The following SLC37A1 variants were observed in gnomAD, a reference collection of about 807,000 sequenced individuals.
SLC37A1 encodes the protein solute carrier family 37 member 1, also known as glucose-6-phosphate exchanger SLC37A1.
SLC37A1 carries 49 observed loss-of-function variants against 75.3 expected under a neutral mutation model. The ratio of observed to expected loss-of-function variants is 0.65; its 90% CI spans 0.52 to 0.83. The LOEUF (loss-of-function observed/expected upper bound fraction) is 0.83. SLC37A1 is among the 40% of genes least tolerant of loss of function. SLC37A1 has a pLI of 0.00. For missense variants in SLC37A1, 566 were observed against 695.0 expected, an observed-to-expected ratio of 0.81 and a Z score of 2.09; for synonymous variants, 268 against 292.1, an observed-to-expected ratio of 0.92 and a Z score of 0.84.
intron 18 of SLC37A1, among the ~76,000 whole-genome samples, chr21:42,577,125 G>C (rs978267292): frequency 4.6e-5 from 7 of 152,156 alleles, no homozygotes; most frequent in African/African-American, 1.7e-4. Flanking sequence ...AACCAAAGAT[G>C]CTCCCAGCAA....
rs1051692120 is a variant in SLC37A1, at chr21:42,525,874, G to A, written c.138+17G>A. Reference sequence around the variant, plus strand: ...ATAGTTAAGGTAAGAATCATGGAAAGCACTGCCTGTCGTCTCTGTGAGGAG... The same window carrying A: ...ATAGTTAAGGTAAGAATCATGGAAAACACTGCCTGTCGTCTCTGTGAGGAG... On this transcript the variant is annotated intron_variant, in intron 3 of 19. Coordinates refer to ENST00000352133, the MANE Select transcript of SLC37A1 (RefSeq NM_001320537.2). The A allele has an allele frequency of 2.5e-6, 4 of 1,599,298 alleles. No homozygotes were observed. In the African/African-American group the frequency reaches 4.0e-5, roughly 16 times the overall value.
chr21:42,565,273 A>C (rs2055947409), intron 14 of SLC37A1, among the ~76,000 whole-genome samples: 1 of 152,282 alleles, frequency 6.6e-6, no homozygotes. Context: ...AACAATGCAC[A>C]TGGTTACTGT....
intron 3 of SLC37A1, among the ~76,000 whole-genome samples, chr21:42,526,493 G>C (rs2054795979): frequency 6.6e-6 from 1 of 152,258 alleles, no homozygotes. Context: ...GCCAGAGACA[G>C]TGCATTCACA....
Position 42,579,771 on chromosome 21 carries a change from C to T in SLC37A1, c.1557C>T (p.Cys519=). The T allele has an allele frequency of 6.2e-7, 1 of 1,614,176 alleles. No homozygotes were observed. Among genetic ancestry groups the T allele is most frequent in the Non-Finnish European group, 8.5e-7 (1 of 1,180,036 alleles). Residue 519 remains cysteine, a synonymous_variant, in exon 19 of 20, where the codon TGC becomes TGT. Coordinates refer to ENST00000352133, the MANE Select transcript of SLC37A1 (RefSeq NM_001320537.2). ...LIRLIHKELS[C]PGSATGDQVP... ...GCCTCATACACAAGGAGCTGAGCTG[C>T]CCAGGGTCAGCTACGGGGGACCAAG...
chr21:42,538,991 C>T (rs1029310565), intron 5 of SLC37A1, among the ~76,000 whole-genome samples: 6 of 152,128 alleles, frequency 3.9e-5, no homozygotes, highest in East Asian at 3.8e-4. Context: ...TGGCAGGAGG[C>T]GGTAGTGGCA....
chr21:42,553,097 G>T (rs1353900060), intron 9 of SLC37A1, among the ~76,000 whole-genome samples: 1 of 152,206 alleles, frequency 6.6e-6, no homozygotes, highest in African/African-American at 2.4e-5. Flanking sequence ...CCATCTGAAC[G>T]GAGTTTAACC....
Position 42,562,080 on chromosome 21 carries a change from C to A in SLC37A1, c.984C>A (p.Gly328=), listed in dbSNP as rs1458703813. ...CGCCTGACTGCTCTCTCTTTCAGGGCGTGATAGAGTTCTCACTGTGTCTGC... is the reference window on the plus strand; with the variant it reads ...CGCCTGACTGCTCTCTCTTTCAGGGAGTGATAGAGTTCTCACTGTGTCTGC... The part of the protein sequence containing the change: ...ISFTGALKIP[G]VIEFSLCLLF... The change falls in exon 12 of 20, where the codon GGC becomes GGA. Residue 328 remains glycine (G), a splice_region_variant and synonymous_variant. Coordinates refer to ENST00000352133, the MANE Select transcript of SLC37A1 (RefSeq NM_001320537.2). 6.2e-7 allele frequency: 1 copy of A among 1,614,046 alleles called. No homozygotes were observed. Among genetic ancestry groups the A allele is most frequent in the East Asian group, 2.2e-5 (1 of 44,888 alleles).
rs1420860078 is a variant in SLC37A1 at position 42,545,905 on chromosome 21, C to A, written c.731-1198C>A. On this transcript the variant is annotated intron_variant, in intron 8 of 19. Transcript: ENST00000352133. The surrounding 1 kb of genome is among the most constrained non-coding windows in gnomAD (Gnocchi z 4.0). ...CCACGGACCTCTGGGTGCAGACCCA[C>A]CTGGCCCTACGGCATGTTGATAATA... 6.6e-6 allele frequency among the ~76,000 whole-genome samples: 1 copy of A among 152,248 alleles called. No individual in the cohort carries two copies. Among genetic ancestry groups the A allele is most frequent in the Non-Finnish European group, 1.5e-5 (1 of 68,042 alleles).
chr21:42,562,127 ATACT>A lies in SLC37A1; in HGVS notation c.1033_1036del (p.Thr345SerfsTer40). The A allele has an allele frequency of 1.2e-6, 2 of 1,614,208 alleles. No homozygotes were observed. The highest frequency in any genetic ancestry group is 1.7e-6 in the Non-Finnish European group (2 of 1,180,038). On this transcript the variant is annotated frameshift_variant, in exon 12 of 20. Transcript: ENST00000352133. LOFTEE classifies it high-confidence loss of function. ...CTGCTGTTTGCCAAGCTGGTCAGCT[ATACT>A]TTCCTCTTCTGGCTGCCCCTGTACA...
rs2055332670 is a variant in SLC37A1 at position 42,543,493 on chromosome 21, G to A, written c.621G>A (p.Gly207=). Residue 207 remains glycine (G), a synonymous_variant, in exon 8 of 20, where the codon GGG becomes GGA. Coordinates refer to ENST00000352133, the MANE Select transcript of SLC37A1 (RefSeq NM_001320537.2). ...ACACCTCCGTGGGCAACATCTTGGG[G>A]TCATTGATCGCTGGCTACTGGGTGT... ...NSHTSVGNIL[G]SLIAGYWVST... The A allele has an allele frequency of 1.9e-6, 3 of 1,614,218 alleles. No individual in the cohort carries two copies. Among genetic ancestry groups the A allele is most frequent in the Non-Finnish European group, 2.5e-6 (3 of 1,180,028 alleles).
In SLC37A1 at chr21:42,535,320, A is replaced by T. The variant is rs181310939; in HGVS notation, c.272-152A>T. 4 of 641,888 alleles carry T rather than the reference A, an allele frequency of 6.2e-6. No individual in the cohort carries two copies. In the Admixed American group the frequency reaches 8.5e-5, roughly 14 times the overall value. 39.8% of individuals were successfully genotyped at this position (641,888 alleles called of 1,614,324 possible). A position where few individuals can be genotyped will look rare whatever the true frequency, so the allele number is the denominator to read the frequency against. ...TTTCCTTTGCAAGAAACTGAACAGA[A>T]AATGCACCGCCTTGTTTTCTATGTG... On this transcript the variant is annotated intron_variant, in intron 4 of 19. Coordinates refer to ENST00000352133, the MANE Select transcript of SLC37A1 (RefSeq NM_001320537.2).
At chr21:42,528,807 C>T (rs1002256722) in intron 3 of SLC37A1, among the ~76,000 whole-genome samples, 9 of 151,908 alleles carry the variant, frequency 5.9e-5, no homozygotes, top group African/African-American at 2.2e-4. Context: ...CCAGCCTGGG[C>T]GACAAAGTGA....
At chr21:42,549,923 A>G (rs2055515433) in intron 9 of SLC37A1, among the ~76,000 whole-genome samples, 1 of 152,194 alleles carries the variant, frequency 6.6e-6, no homozygotes, top group Non-Finnish European at 1.5e-5. Flanking sequence ...ACCCCTGTGT[A>G]CCCATTACCC....
chr21:42,547,023 C>T lies in SLC37A1; in HGVS notation c.731-80C>T. ...TTCACACCCGGTGCTCCCGTGTTGC[C>T]CTGTCCTCGGGTTACGTAGCTTACT... is the stretch of plus-strand genomic sequence containing the variant. On this transcript the variant is annotated intron_variant, in intron 8 of 19. Transcript: ENST00000352133. The surrounding 1 kb of genome is among the most constrained non-coding windows in gnomAD (Gnocchi z 6.1). 1.3e-6 allele frequency: 2 copies of T among 1,560,694 alleles called. No individual in the cohort carries two copies. The highest frequency in any genetic ancestry group is 1.8e-6 in the Non-Finnish European group (2 of 1,132,136).
At chr21:42,566,607 G>C (rs2055984802) in intron 15 of SLC37A1, among the ~76,000 whole-genome samples, 1 of 152,172 alleles carries the variant, frequency 6.6e-6, no homozygotes. Context: ...CCTCACCTGA[G>C]TGTGAGCCTA....
rs1230006682 is a variant in SLC37A1, at chr21:42,567,011, G to A, written c.1297G>A (p.Val433Ile). Reference sequence around the variant, plus strand: ...CATGCTGCTGCTCAGCGGAGCCCTGGTCAGTGGGCCCTACACACTCATCAC... The same window carrying A: ...CATGCTGCTGCTCAGCGGAGCCCTGATCAGTGGGCCCTACACACTCATCAC... ...IAMLLLSGAL[V>I]SGPYTLITTA... Residue 433 changes from valine to isoleucine, a missense_variant, in exon 16 of 20, where the codon GTC becomes ATC. Val to Ile is a conservative substitution (Grantham distance 29). Coordinates refer to ENST00000352133, the MANE Select transcript of SLC37A1 (RefSeq NM_001320537.2). The A allele has an allele frequency of 3.7e-6, 6 of 1,608,528 alleles. No homozygotes were observed. In the East Asian group the frequency reaches 1.3e-4, roughly 36 times the overall value.
At position 42,542,421 on chromosome 21, in the gene SLC37A1, G is replaced by T; in HGVS notation, c.504G>T (p.Val168=). Residue 168 remains valine (V), a synonymous_variant, in exon 7 of 20, where the codon GTG becomes GTT. Coordinates refer to ENST00000352133, the MANE Select transcript of SLC37A1 (RefSeq NM_001320537.2). ...YVVTQVINGL[V]QTTGWPSVVT... ...TCCTGCAGGTCATCAACGGGCTGGT[G>T]CAGACCACCGGCTGGCCCAGCGTCG... is the stretch of plus-strand genomic sequence containing the variant. 1 of 1,613,966 alleles carries T rather than the reference G, an allele frequency of 6.2e-7. No individual in the cohort carries two copies. The highest frequency in any genetic ancestry group is 8.5e-7 in the Non-Finnish European group (1 of 1,179,898).
chr21:42,543,034 T>G (rs1482376328), intron 7 of SLC37A1, among the ~76,000 whole-genome samples: 1 of 152,270 alleles, frequency 6.6e-6, no homozygotes, highest in Non-Finnish European at 1.5e-5. Flanking sequence ...TCATCAGGTC[T>G]TAAGTCTTAG....
At chr21:42,568,043 C>T (rs529798897) in intron 16 of SLC37A1, among the ~76,000 whole-genome samples, 5 of 152,396 alleles carry the variant, frequency 3.3e-5, no homozygotes, top group South Asian at 4.1e-4. Flanking sequence ...GCGCGCGTTG[C>T]GCACCTTCAC....
Sources: gnomAD v4.1 joint callset for allele counts (sites outside exome capture counted in the v4.1 genomes callset) on GRCh38, gnomAD v4.1.1 for gene constraint, Gnocchi (gnomAD v3.1) non-coding constraint, MANE v1.5 for transcripts, NCBI Gene and HGNC (gene_info 2026-07-23, HGNC 2026-07-21) for gene names.